STX8: variants seen among roughly 807,000 people sequenced by gnomAD.
The protein encoded by STX8 is syntaxin 8.
In STX8, 23 loss-of-function variants were observed where a neutral mutation model predicts 37.5. The ratio of observed to expected loss-of-function variants is 0.61; its 90% confidence interval spans 0.44 to 0.87. STX8 has a LOEUF of 0.87. Among genes scored for constraint, STX8 ranks in the 40% least tolerant of loss-of-function variants. The pLI is 0.00. For missense variants in STX8, 313 were observed against 284.7 expected (o/e 1.10, Z -0.71); for synonymous variants, 115 against 99.1 (o/e 1.16, Z -0.95).
intron 6 of STX8, among the ~76,000 whole-genome samples, chr17:9,395,640 G>A (rs1912375279): frequency 6.6e-6 from 1 of 152,112 alleles, no homozygotes; most frequent in African/African-American, 2.4e-5. Context: ...AGGTCCTTTG[G>A]GTTTGTCCTG....
chr17:9,354,189 TATTTTGATTAAATC>T (rs999865853), intron 7 of STX8, among the ~76,000 whole-genome samples: 58 of 152,354 alleles, frequency 3.8e-4, no homozygotes, highest in African/African-American at 1.3e-3. Context: ...TTGAATCATA[TATTTTGATTAAATC>T]AAACATCTAA....
chr17:9,452,941 G>C (rs1313724053), intron 6 of STX8, among the ~76,000 whole-genome samples: 9 of 152,128 alleles, frequency 5.9e-5, no homozygotes, highest in South Asian at 2.1e-4. Flanking sequence ...CAGTAGCTGG[G>C]ATTACAGGTG....
chr17:9,571,056 A>G (rs2151919784), intron 1 of STX8, among the ~76,000 whole-genome samples: 1 of 152,338 alleles, frequency 6.6e-6, no homozygotes, highest in Admixed American at 6.5e-5. Flanking sequence ...TAGTTTCTGC[A>G]GAGCCTTGAA....
intron 7 of STX8, among the ~76,000 whole-genome samples, chr17:9,253,682 A>C (rs917539871): frequency 6.6e-6 from 1 of 152,068 alleles, no homozygotes; most frequent in Non-Finnish European, 1.5e-5. Context: ...ACTGCTCCTG[A>C]AGCTCCAGTG....
chr17:9,442,660 G>T (rs564061509), intron 6 of STX8, among the ~76,000 whole-genome samples: 3 of 152,070 alleles, frequency 2.0e-5, no homozygotes, highest in Admixed American at 2.0e-4. Context: ...TGCCCAACTC[G>T]ACCTCCCAAA....
chr17:9,498,416 A>T (rs1000988614), intron 5 of STX8, among the ~76,000 whole-genome samples: 6 of 152,024 alleles, frequency 3.9e-5, no homozygotes, highest in Non-Finnish European at 7.4e-5. Context: ...AGAAAAGAAA[A>T]ATTAGGTCAA....
chr17:9,288,945 A>G (rs562024387), intron 7 of STX8, among the ~76,000 whole-genome samples: 1 of 152,176 alleles, frequency 6.6e-6, no homozygotes, highest in Admixed American at 6.5e-5. Context: ...TTCACAAAAT[A>G]CCCAACACAA....
chr17:9,454,194 C>T (rs1432886956), intron 6 of STX8, among the ~76,000 whole-genome samples: 1 of 152,154 alleles, frequency 6.6e-6, no homozygotes, highest in African/African-American at 2.4e-5. Flanking sequence ...CCAGTGGATG[C>T]CTGAAACCTC....
chr17:9,363,054 A>G (rs1322054376), intron 7 of STX8, among the ~76,000 whole-genome samples: 1 of 152,170 alleles, frequency 6.6e-6, no homozygotes, highest in Non-Finnish European at 1.5e-5. Context: ...CCCCTAGCTC[A>G]TAACTGATTT....
chr17:9,405,078 T>C (rs981087747), intron 6 of STX8, among the ~76,000 whole-genome samples: 6 of 152,174 alleles, frequency 3.9e-5, no homozygotes, highest in African/African-American at 1.4e-4. Context: ...TGGACACAGT[T>C]TTCTCCAGCA....
intron 3 of STX8, among the ~76,000 whole-genome samples, chr17:9,549,842 G>C (rs150853964): frequency 4.6e-5 from 7 of 152,146 alleles, no homozygotes; most frequent in Non-Finnish European, 7.3e-5. Context: ...AATCTATACA[G>C]CATGTATGTG....
Position 9,339,017 on chromosome 17 carries a change from A to G in STX8, c.643+39535T>C, listed in dbSNP as rs867233955. ...ACCCGGGAAGCGGAGCTTGCAGTGAACAGAGATCATGCCACTGCACTCCAG... is the reference window on the plus strand; with the variant it reads ...ACCCGGGAAGCGGAGCTTGCAGTGAGCAGAGATCATGCCACTGCACTCCAG... On this transcript the variant is annotated intron_variant, in intron 7 of 7. Coordinates refer to ENST00000306357, the MANE Select transcript of STX8 (RefSeq NM_004853.3). Among the ~76,000 whole-genome samples, 8 of 150,656 alleles carry G rather than the reference A, an allele frequency of 5.3e-5. 1 individual carries two copies. The highest frequency in any genetic ancestry group is 6.9e-3 in the Middle Eastern group (2 of 290).
chr17:9,566,918 T>C (rs1907481884), intron 2 of STX8, among the ~76,000 whole-genome samples: 1 of 152,168 alleles, frequency 6.6e-6, no homozygotes, highest in African/African-American at 2.4e-5. Flanking sequence ...GTGGTACATA[T>C]ACACTATGGA....
chr17:9,341,179 C>G (rs1910344693), intron 7 of STX8, among the ~76,000 whole-genome samples: 1 of 151,852 alleles, frequency 6.6e-6, no homozygotes, highest in African/African-American at 2.4e-5. Flanking sequence ...TCAGAAGAGA[C>G]TGCGATATTG....
intron 7 of STX8, among the ~76,000 whole-genome samples, chr17:9,356,099 T>C (rs1910873081): frequency 6.6e-6 from 1 of 152,178 alleles, no homozygotes; most frequent in Non-Finnish European, 1.5e-5. Context: ...CTAGAAGACA[T>C]TAAGTTCAGT....
At chr17:9,490,912 C>T (rs1474898889) in intron 6 of STX8, among the ~76,000 whole-genome samples, 1 of 152,092 alleles carries the variant, frequency 6.6e-6, no homozygotes, top group South Asian at 2.1e-4. Context: ...GAGGAGGGTG[C>T]CGCCTTCATG....
chr17:9,361,095 T>C (rs556043959), intron 7 of STX8, among the ~76,000 whole-genome samples: 1 of 152,184 alleles, frequency 6.6e-6, no homozygotes, highest in East Asian at 1.9e-4. Flanking sequence ...TGACTGAAAA[T>C]TGTCATTGCC....
chr17:9,270,397 G>A (rs1028549338), intron 7 of STX8, among the ~76,000 whole-genome samples: 2 of 151,530 alleles, frequency 1.3e-5, no homozygotes, highest in Admixed American at 6.6e-5. Flanking sequence ...ACAGGTGCCC[G>A]CCACCACGCC....
intron 4 of STX8, among the ~76,000 whole-genome samples, chr17:9,534,182 A>T (rs577816940): frequency 8.6e-6 from 1 of 116,590 alleles, no homozygotes; most frequent in East Asian, 2.2e-4. Flanking sequence ...GATAGTTTTC[A>T]TATAAACAAC....
Sources: allele counts gnomAD v4.1 joint callset (sites outside exome capture counted in the v4.1 genomes callset), GRCh38; gene constraint gnomAD v4.1.1; transcripts MANE v1.5; gene names NCBI Gene and HGNC (gene_info 2026-07-23, HGNC 2026-07-21).